The following SLIT3 variants were observed in gnomAD, a reference collection of about 807,000 sequenced individuals.
SLIT3 encodes the protein slit homolog 3 protein.
SLIT3 carries 68 observed loss-of-function variants against 184.0 expected under a neutral mutation model. The ratio of observed to expected loss-of-function variants is 0.37; its 90% CI spans 0.30 to 0.45. SLIT3 has a LOEUF of 0.45. Ranked by LOEUF, SLIT3 falls within the 20% of genes least tolerant of loss-of-function variation. The pLI is 1.00. For missense variants in SLIT3, 1,707 were observed against 2,026.0 expected (o/e 0.84, Z 3.02); for synonymous variants, 831 against 828.6 (o/e 1.00, Z -0.05).
intron 10 of SLIT3, chr5:168,790,212 C>T (rs1003145573): frequency 2.6e-5 from 4 of 152,360 alleles, no homozygotes; most frequent in African/African-American, 9.7e-5. Context: ...TAAGCACATC[C>T]TGGGATTCTC....
At chr5:168,928,663 T>G (rs186036939) in intron 4 of SLIT3, among the ~76,000 whole-genome samples, 3 of 152,360 alleles carry the variant, frequency 2.0e-5, no homozygotes, top group Admixed American at 2.0e-4. Context: ...TGTTTAACAT[T>G]CTACAGTCTT....
intron 3 of SLIT3, among the ~76,000 whole-genome samples, chr5:169,242,239 A>ATGAC (rs1329451787): frequency 6.6e-6 from 1 of 152,226 alleles, no homozygotes; most frequent in African/African-American, 2.4e-5. Flanking sequence ...TATTATGAGA[A>ATGAC]TGACTATTCA....
At chr5:169,126,814 G>C (rs895332344) in intron 4 of SLIT3, among the ~76,000 whole-genome samples, 2 of 152,204 alleles carry the variant, frequency 1.3e-5, no homozygotes, top group African/African-American at 4.8e-5. Context: ...CAGAGGTTAG[G>C]CCACAGATGG....
chr5:169,079,814 AGAG>A (rs150897483), intron 4 of SLIT3, among the ~76,000 whole-genome samples: 318 of 4,326 alleles, frequency 0.074, 22 homozygotes, highest in South Asian at 0.28. Context: ...GGGAAGGGGA[AGAG>A]GAGGAGGGAG....
intron 4 of SLIT3, among the ~76,000 whole-genome samples, chr5:169,156,580 TACA>T (rs1462118745): frequency 2.0e-5 from 3 of 152,332 alleles, no homozygotes; most frequent in East Asian, 3.9e-4. Flanking sequence ...GAGCATCTTC[TACA>T]ACATTACTGA....
At chr5:168,904,329 G>T (rs1346811996) in intron 4 of SLIT3, among the ~76,000 whole-genome samples, 1 of 151,996 alleles carries the variant, frequency 6.6e-6, no homozygotes, top group East Asian at 1.9e-4. Context: ...GGTTCCAATG[G>T]GGGGAAATAA....
chr5:169,277,160 T>G, intron 1 of SLIT3, among the ~76,000 whole-genome samples: 1 of 152,232 alleles, frequency 6.6e-6, no homozygotes. Flanking sequence ...TTCATGTAAG[T>G]GGAATCTGTA....
At chr5:168,907,979 T>TATATATATATATAG (rs376418381) in intron 4 of SLIT3, among the ~76,000 whole-genome samples, 1 of 50,088 alleles carries the variant, frequency 2.0e-5, no homozygotes, top group Non-Finnish European at 3.3e-5. Context: ...TATATATATA[T>TATATATATATATAG]AGAGAGAGAG....
intron 3 of SLIT3, among the ~76,000 whole-genome samples, chr5:169,200,983 G>A (rs1763890103): frequency 6.6e-6 from 1 of 152,182 alleles, no homozygotes; most frequent in South Asian, 2.1e-4. Flanking sequence ...TTAGTTGAAT[G>A]ATGCTATTCT....
intron 10 of SLIT3, among the ~76,000 whole-genome samples, chr5:168,795,179 G>A (rs1756523910): frequency 6.6e-6 from 1 of 152,144 alleles, no homozygotes; most frequent in South Asian, 2.1e-4. Flanking sequence ...TCCTATTTTA[G>A]GTCCACATCA....
chr5:168,804,310 C>CAAAAAAAAAAAAAAAA (rs770650322), intron 9 of SLIT3, among the ~76,000 whole-genome samples: 2 of 52,356 alleles, frequency 3.8e-5, no homozygotes, highest in Non-Finnish European at 3.2e-5. Context: ...AACTCTTTCT[C>CAAAAAAAAAAAAAAAA]AAAAAAAAAA....
intron 4 of SLIT3, among the ~76,000 whole-genome samples, chr5:168,986,947 C>A (rs1168813901): frequency 6.6e-6 from 1 of 152,226 alleles, no homozygotes; most frequent in East Asian, 1.9e-4. Flanking sequence ...ACTCAGGAGG[C>A]TGAGGCAGGA....
chr5:168,740,820 T>C (rs925761249), intron 20 of SLIT3, among the ~76,000 whole-genome samples: 2 of 152,244 alleles, frequency 1.3e-5, no homozygotes, highest in African/African-American at 4.8e-5. Flanking sequence ...CTTTGTTATT[T>C]CAGTTTTCGT....
At chr5:169,046,953 G>C (rs924611370) in intron 4 of SLIT3, among the ~76,000 whole-genome samples, 1 of 152,106 alleles carries the variant, frequency 6.6e-6, no homozygotes, top group East Asian at 1.9e-4. Flanking sequence ...CTAGGCGCTT[G>C]CTACAGGGTG....
chr5:168,939,744 TG>T (rs1379240022), intron 4 of SLIT3, among the ~76,000 whole-genome samples: 1 of 152,222 alleles, frequency 6.6e-6, no homozygotes. Context: ...CTTTGGTACA[TG>T]AAATGGAAAG....
At chr5:168,990,820 A>C (rs1755295720) in intron 4 of SLIT3, among the ~76,000 whole-genome samples, 1 of 152,180 alleles carries the variant, frequency 6.6e-6, no homozygotes, top group South Asian at 2.1e-4. Context: ...GGGAGGTCTT[A>C]GAGAAAAACA....
intron 4 of SLIT3, among the ~76,000 whole-genome samples, chr5:168,989,989 T>C (rs919953164): frequency 2.6e-5 from 4 of 152,208 alleles, no homozygotes; most frequent in Admixed American, 2.0e-4. Flanking sequence ...GGTTCAGCCA[T>C]CAAAGTTCCA....
intron 3 of SLIT3, among the ~76,000 whole-genome samples, chr5:169,222,642 AACTG>A (rs1258185808): frequency 6.6e-6 from 1 of 152,240 alleles, no homozygotes. Flanking sequence ...GGTCTAAGAA[AACTG>A]ACAAGCTATG....
chr5:168,722,397 G>C, intron 22 of SLIT3, 70 bp from the exon 23 acceptor site: 1 of 1,342,750 alleles, frequency 7.4e-7, no homozygotes, highest in Non-Finnish European at 1.1e-6. Flanking sequence ...CACTGTTCAC[G>C]TTGTGAAACA....
Sources: allele counts gnomAD v4.1 joint callset (sites outside exome capture counted in the v4.1 genomes callset), GRCh38; gene constraint gnomAD v4.1.1; transcripts MANE v1.5; gene names NCBI Gene and HGNC (gene_info 2026-07-23, HGNC 2026-07-21).